The following PRKCZ variants were observed in gnomAD, a reference collection of about 807,000 sequenced individuals.
PRKCZ encodes protein kinase C zeta type.
PRKCZ carries 33 observed loss-of-function variants against 79.5 expected under a neutral mutation model. The observed-to-expected ratio is 0.41, with a 90% CI of 0.31 to 0.55. The LOEUF is 0.55. Among genes scored for constraint, PRKCZ ranks in the 20% least tolerant of loss-of-function variants. The pLI is 0.19. For synonymous variants in PRKCZ, 342 were observed against 320.9 expected (o/e 1.07, Z -0.70); for missense variants, 578 against 813.5 (o/e 0.71, Z 3.52).
rs1659539143 is a variant in PRKCZ at position 2,050,514 on chromosome 1, C to T, written c.-117C>T. 1.6e-5 allele frequency: 9 copies of T among 566,164 alleles called. No individual in the cohort carries two copies. The highest frequency in any genetic ancestry group is 5.9e-4 in the Middle Eastern group (1 of 1,694). 35.1% of individuals were successfully genotyped at this position (566,164 alleles called of 1,614,324 possible). On this transcript the variant is annotated 5_prime_UTR_variant, in exon 1 of 18. Transcript: ENST00000378567. ...TTCCGCGGAGTTGACCGGGTCGGCGCCGTCGGTCCTGAGCGCTGCCTTCCG... is the reference window on the plus strand; with the variant it reads ...TTCCGCGGAGTTGACCGGGTCGGCGTCGTCGGTCCTGAGCGCTGCCTTCCG...
At chr1:2,147,015 CA>C (rs1678687787) in intron 7 of PRKCZ, among the ~76,000 whole-genome samples, 2 of 152,158 alleles carry the variant, frequency 1.3e-5, no homozygotes, top group Admixed American at 1.3e-4. Flanking sequence ...TCCAGCCAGC[CA>C]GCCAGCCATC....
At chr1:2,182,703 G>C (rs1686851269) in intron 16 of PRKCZ, 2 of 154,908 alleles carry the variant, frequency 1.3e-5, no homozygotes, top group Non-Finnish European at 2.9e-5. Context: ...CCTCAAGCCT[G>C]GTGAATGGTG....
intron 4 of PRKCZ, among the ~76,000 whole-genome samples, chr1:2,085,612 C>T (rs1452086843): frequency 1.3e-5 from 2 of 151,956 alleles, no homozygotes; most frequent in Non-Finnish European, 2.9e-5. Flanking sequence ...GTTCTCAGAG[C>T]CCGTGAGGCA....
In PRKCZ at chr1:2,127,932, G is replaced by C. The variant is rs1674263905; in HGVS notation, c.335-7330G>C. ...TGGACACGAATTTGCGGTCATTGCT[G>C]TTCTTGTGTCTCTATTTGCCTAGGA... On this transcript the variant is annotated intron_variant, in intron 4 of 17. Transcript: ENST00000378567. The surrounding 1 kb of genome is among the most constrained non-coding windows in gnomAD (Gnocchi z 5.1). Among the ~76,000 whole-genome samples the C allele has an allele frequency of 6.6e-6, 1 of 152,238 alleles. No individual in the cohort carries two copies. Among genetic ancestry groups the C allele is most frequent in the African/African-American group, 2.4e-5 (1 of 41,454 alleles).
At chr1:2,092,053 C>T (rs1423733702) in intron 4 of PRKCZ, among the ~76,000 whole-genome samples, 1 of 152,148 alleles carries the variant, frequency 6.6e-6, no homozygotes, top group Non-Finnish European at 1.5e-5. Flanking sequence ...CGAATCTGTC[C>T]TTGCTGCCAC....
rs530473664 is a variant in PRKCZ, at chr1:2,176,290, T to G, written c.1575+977T>G. On this transcript the variant is annotated intron_variant, in intron 16 of 17. Transcript: ENST00000378567. Reference sequence around the variant, plus strand: ...CTGCGTGCAGGGGGTTTTGCCGGACTGTAGGCTGGCGTGTGTCTGTCAGGT... The same window carrying G: ...CTGCGTGCAGGGGGTTTTGCCGGACGGTAGGCTGGCGTGTGTCTGTCAGGT... 5.3e-5 allele frequency among the ~76,000 whole-genome samples: 8 copies of G among 152,278 alleles called. No individual in the cohort carries two copies. In the South Asian group the frequency reaches 1.7e-3, roughly 32 times the overall value.
At chr1:2,136,289 A>G (rs879518472) in intron 5 of PRKCZ, among the ~76,000 whole-genome samples, 1 of 152,082 alleles carries the variant, frequency 6.6e-6, no homozygotes, top group Non-Finnish European at 1.5e-5. Context: ...ATGTGGCAAG[A>G]GTGGGTCTGG....
In PRKCZ at chr1:2,050,673, C is replaced by T; in HGVS notation, c.43C>T (p.Arg15Cys). ...TGPKMEGSGG[R>C]VRLKAHYGGD... Reference sequence around the variant, plus strand: ...CCCCAAGATGGAAGGGAGCGGCGGCCGCGTCCGCCTCAAGGCGCATTACGG... The same window carrying T: ...CCCCAAGATGGAAGGGAGCGGCGGCTGCGTCCGCCTCAAGGCGCATTACGG... The change falls in exon 1 of 18, where the codon CGC (arginine) becomes TGC (cysteine). Residue 15 changes from arginine (R) to cysteine (C), a missense_variant. Physicochemically the swap from Arg to Cys is radical, Grantham distance 180. Transcript: ENST00000378567. 2 of 1,226,984 alleles carry T rather than the reference C, an allele frequency of 1.6e-6. No homozygotes were observed. Among genetic ancestry groups the T allele is most frequent in the Non-Finnish European group, 2.0e-6 (2 of 984,730 alleles). The allele number at this position is 1,226,984 out of a possible 1,614,324, so 76.0% of individuals were successfully genotyped here. A position where few individuals can be genotyped will look rare whatever the true frequency, so the allele number is the denominator to read the frequency against.
chr1:2,181,988 A>G (rs1686702206), intron 16 of PRKCZ: 3 of 392,284 alleles, frequency 7.6e-6, no homozygotes, highest in Non-Finnish European at 1.6e-5. Context: ...TCCTCCACCC[A>G]GTGGCCTGGC....
intron 3 of PRKCZ, among the ~76,000 whole-genome samples, chr1:2,058,762 G>A (rs1280413161): frequency 1.3e-5 from 2 of 151,914 alleles, no homozygotes; most frequent in Non-Finnish European, 2.9e-5. Context: ...CGGGCGTGGT[G>A]GTGTACACTT....
At chr1:2,073,227 C>G (rs1334501475) in intron 4 of PRKCZ, among the ~76,000 whole-genome samples, 1 of 152,154 alleles carries the variant, frequency 6.6e-6, no homozygotes, top group Non-Finnish European at 1.5e-5. Flanking sequence ...GGAAGCTTGG[C>G]CTTTCCTGTT....
At chr1:2,144,848 C>G (rs530195467) in intron 6 of PRKCZ, 1 of 169,790 alleles carries the variant, frequency 5.9e-6, no homozygotes, top group Non-Finnish European at 1.2e-5. Context: ...GCCTTATTGA[C>G]TTTTGCTTAT....
chr1:2,102,593 A>G (rs538651307), intron 4 of PRKCZ, among the ~76,000 whole-genome samples: 40 of 152,184 alleles, frequency 2.6e-4, no homozygotes, highest in South Asian at 1.0e-3. Context: ...TGGCCTCCCA[A>G]AGTGCTAGGA....
chr1:2,184,467 A>G, intron 16 of PRKCZ, 116 bp from the exon 17 acceptor site: 1 of 719,006 alleles, frequency 1.4e-6, no homozygotes, highest in Non-Finnish European at 2.3e-6. Flanking sequence ...TACTAGGCAG[A>G]TTGAAATGCT....
chr1:2,101,851 A>G (rs1160707729), intron 4 of PRKCZ, among the ~76,000 whole-genome samples: 1 of 152,222 alleles, frequency 6.6e-6, no homozygotes, highest in Non-Finnish European at 1.5e-5. Context: ...GCAAGGATAC[A>G]CGGCAGAGAT....
At position 2,173,931 on chromosome 1, in the gene PRKCZ, C is replaced by G; in HGVS notation, c.1320C>G (p.Leu440=). 2 of 1,612,674 alleles carry G rather than the reference C, an allele frequency of 1.2e-6. No homozygotes were observed. Among genetic ancestry groups the G allele is most frequent in the Non-Finnish European group, 1.7e-6 (2 of 1,179,406 alleles). Residue 440 remains leucine, a synonymous_variant, in exon 14 of 18, where the codon CTC becomes CTG. Transcript: ENST00000378567. The surrounding 1 kb of genome is among the most constrained non-coding windows in gnomAD (Gnocchi z 5.7). The stretch of plus-strand genomic sequence containing the variant: ...TGGACTGGTGGGCGCTGGGAGTCCT[C>G]ATGTTTGAGATGATGGCCGGGCGCT... ...FSVDWWALGV[L]MFEMMAGRSP...
At chr1:2,184,437 A>G (rs1040228811) in intron 16 of PRKCZ, 146 bp from the exon 17 acceptor site, 3 of 614,590 alleles carry the variant, frequency 4.9e-6, no homozygotes, top group African/African-American at 1.9e-5. Context: ...TGTTGTAAGA[A>G]AAAACACTTG....
intron 5 of PRKCZ, among the ~76,000 whole-genome samples, chr1:2,138,915 C>A (rs1044590719): frequency 6.6e-6 from 1 of 152,174 alleles, no homozygotes; most frequent in Non-Finnish European, 1.5e-5. Flanking sequence ...GAGTGAGACT[C>A]CGTCTCAAAT....
chr1:2,135,325 TC>T lies in PRKCZ; in HGVS notation c.400del (p.Gln134LysfsTer45), dbSNP rs772203785. ...CTGTACCGTGCCAACGGCCACCTCT[TC>T]CAAGCCAAGCGCTTTAACAGGGTGA... ...RKLYRANGHLFQAKRFNRRAY... is the reference protein window; with the variant it reads ...RKLYRANGHLXQAKRFNRRAY... On this transcript the variant is annotated frameshift_variant, in exon 5 of 18. Transcript: ENST00000378567. LOFTEE classifies it high-confidence loss of function. 6.2e-7 allele frequency: 1 copy of T among 1,613,164 alleles called. No homozygotes were observed. Among genetic ancestry groups the T allele is most frequent in the East Asian group, 2.2e-5 (1 of 44,860 alleles).
Sources: gnomAD v4.1 joint callset for allele counts (sites outside exome capture counted in the v4.1 genomes callset) on GRCh38, gnomAD v4.1.1 for gene constraint, Gnocchi (gnomAD v3.1) non-coding constraint, MANE v1.5 for transcripts, NCBI Gene and HGNC (gene_info 2026-07-23, HGNC 2026-07-21) for gene names.